Variants in IFT172 observed in about 807,000 individuals in gnomAD.
IFT172 encodes intraflagellar transport protein 172 homolog.
In IFT172, 164 loss-of-function variants were observed where a neutral mutation model predicts 248.9. That is an observed-to-expected ratio of 0.66 (90% confidence interval 0.58 to 0.75). The LOEUF (loss-of-function observed/expected upper bound fraction) is 0.75. Ranked by LOEUF, IFT172 falls within the 30% of genes least tolerant of loss-of-function variation. IFT172 has a pLI of 0.00. For missense variants in IFT172, 1,950 were observed against 2,192.4 expected (o/e 0.89, Z 2.21); for synonymous variants, 729 against 791.6 (o/e 0.92, Z 1.33).
chr2:27,484,314 G>T, intron 3 of IFT172, 48 bp from the exon 4 acceptor site: 1 of 1,603,072 alleles, frequency 6.2e-7, no homozygotes, highest in Non-Finnish European at 8.5e-7. Flanking sequence ...CTTCCAGGCC[G>T]GGCGTGGTGG....
Position 27,445,700 on chromosome 2 carries a change from C to T in IFT172, c.4914+45G>A, listed in dbSNP as rs375671477. 648 of 1,601,884 alleles carry T rather than the reference C, an allele frequency of 4.0e-4. 1 individual carries two copies. Among genetic ancestry groups the T allele is most frequent in the Non-Finnish European group, 4.9e-4 (572 of 1,169,404 alleles). On this transcript the variant is annotated intron_variant, in intron 45 of 47. Transcript: ENST00000260570. This position sits in a 1 kb window ranked among gnomAD's most constrained non-coding sequence, Gnocchi z 4.4. ...AAAGATATTCTCCCTCCTCAAGGCA[C>T]TCACACTGGTGAGGCCTTCCGGTTT...
At chr2:27,462,135 C>T (rs1558383042) in intron 20 of IFT172, among the ~76,000 whole-genome samples, 1 of 152,096 alleles carries the variant, frequency 6.6e-6, no homozygotes, top group African/African-American at 2.4e-5. Context: ...TTGGCTCAAG[C>T]GATTCTCCCA....
chr2:27,449,974 G>T, intron 36 of IFT172, 24 bp downstream of exon 36: 4 of 1,586,718 alleles, frequency 2.5e-6, no homozygotes, highest in Non-Finnish European at 3.5e-6. Context: ...ATCTATTTCT[G>T]TTCCATCTCA....
At chr2:27,483,182 A>ATTTTTT in intron 7 of IFT172, 107 bp downstream of exon 7, 1 of 712,502 alleles carries the variant, frequency 1.4e-6, no homozygotes, top group South Asian at 1.7e-5. Flanking sequence ...TTTTGTATTT[A>ATTTTTT]TTTTTTGTTT....
intron 20 of IFT172, 49 bp downstream of exon 20, chr2:27,462,652 C>G (rs774784867): frequency 6.5e-7 from 1 of 1,537,652 alleles, no homozygotes; most frequent in South Asian, 1.1e-5. Context: ...CCTTTTCTCT[C>G]TTTTTCCCTC....
intron 8 of IFT172, among the ~76,000 whole-genome samples, chr2:27,480,584 C>G (rs900857933): frequency 8.5e-5 from 13 of 152,132 alleles, no homozygotes; most frequent in African/African-American, 3.1e-4. Context: ...ATCTGCTGTT[C>G]CATCATTCAT....
In IFT172 at chr2:27,445,607, T is replaced by C. The variant is rs1395367347; in HGVS notation, c.4914+138A>G. The stretch of plus-strand genomic sequence containing the variant: ...TGGGGGATGCAGTCACAGCCTTTTC[T>C]TTCTATTTTGCTTCTACTTTCACTG... On this transcript the variant is annotated intron_variant, in intron 45 of 47. Coordinates refer to ENST00000260570, the MANE Select transcript of IFT172 (RefSeq NM_015662.3). The surrounding 1 kb of genome is among the most constrained non-coding windows in gnomAD (Gnocchi z 4.4). 3.0e-6 allele frequency: 4 copies of C among 1,313,452 alleles called. No individual in the cohort carries two copies. Among genetic ancestry groups the C allele is most frequent in the Non-Finnish European group, 4.2e-6 (4 of 952,754 alleles). The allele number at this position is 1,313,452 out of a possible 1,614,324, so 81.4% of individuals were successfully genotyped here. A position where few individuals can be genotyped will look rare whatever the true frequency, so the allele number is the denominator to read the frequency against.
At chr2:27,476,924 G>C in intron 13 of IFT172, 198 bp from the exon 14 acceptor site, 4 of 590,922 alleles carry the variant, frequency 6.8e-6, no homozygotes, top group Non-Finnish European at 1.2e-5. Flanking sequence ...CCAGGCTCCG[G>C]GTGATTCTCC....
intron 35 of IFT172, chr2:27,453,145 A>G (rs1407259665): frequency 3.0e-6 from 2 of 658,794 alleles, no homozygotes; most frequent in Non-Finnish European, 5.7e-6. Flanking sequence ...TATGATAGTA[A>G]TTGAGCCATT....
chr2:27,476,734 A>G lies in IFT172; in HGVS notation c.1326-8T>C, dbSNP rs1418387251. The stretch of plus-strand genomic sequence containing the variant: ...CTCTCATTAATACGAACACTGAAAC[A>G]TGAAGGGTGAGGTAAGGCAAAATGG... On this transcript the variant is annotated splice_polypyrimidine_tract_variant and splice_region_variant and intron_variant, in intron 13 of 47. Coordinates refer to ENST00000260570, the MANE Select transcript of IFT172 (RefSeq NM_015662.3). 1.2e-6 allele frequency: 2 copies of G among 1,606,270 alleles called. No individual in the cohort carries two copies. The highest frequency in any genetic ancestry group is 1.3e-5 in the African/African-American group (1 of 74,874).
At chr2:27,479,705 G>A in intron 9 of IFT172, 101 bp from the exon 10 acceptor site, 1 of 844,668 alleles carries the variant, frequency 1.2e-6, no homozygotes, top group Non-Finnish European at 2.0e-6. Context: ...AGAGTCTAGA[G>A]AAGAGTTGGC....
At chr2:27,452,946 G>C (rs867382745) in intron 35 of IFT172, among the ~76,000 whole-genome samples, 13 of 152,166 alleles carry the variant, frequency 8.5e-5, no homozygotes, top group African/African-American at 3.1e-4. Context: ...AATGTTGGGT[G>C]GGGGAGGTGG....
chr2:27,481,625 C>T (rs1321805516), intron 7 of IFT172, among the ~76,000 whole-genome samples: 1 of 151,712 alleles, frequency 6.6e-6, no homozygotes, highest in East Asian at 1.9e-4. Flanking sequence ...CTGCAACCTC[C>T]GCCTCCCCAG....
At position 27,454,337 on chromosome 2, in the gene IFT172, T is replaced by C; in HGVS notation, c.3530+17A>G. 6.2e-7 allele frequency: 1 copy of C among 1,614,042 alleles called. No homozygotes were observed. On this transcript the variant is annotated intron_variant, in intron 32 of 47. Coordinates refer to ENST00000260570, the MANE Select transcript of IFT172 (RefSeq NM_015662.3). The surrounding 1 kb of genome is among the most constrained non-coding windows in gnomAD (Gnocchi z 4.2). ...TGACTGGGGAAACAGTATTAAGGAA[T>C]GTATGGGGTAACTCACATGAGGACT...
chr2:27,487,910 G>A (rs749835424), intron 1 of IFT172, among the ~76,000 whole-genome samples: 1 of 152,106 alleles, frequency 6.6e-6, no homozygotes, highest in Non-Finnish European at 1.5e-5. Flanking sequence ...ATCCATGTAT[G>A]TGTAAATCCA....
rs796168948 is a variant in IFT172, at chr2:27,477,733, A to G, written c.1168-121T>C. 49 of 822,588 alleles carry G rather than the reference A, an allele frequency of 6.0e-5. No individual in the cohort carries two copies. The Middle Eastern group carries it at 1.3e-3, about 22-fold the overall frequency. 51.0% of individuals were successfully genotyped at this position (822,588 alleles called of 1,614,324 possible). The stretch of plus-strand genomic sequence containing the variant: ...TTTATGTAGGCTTTGGCACTACACA[A>G]AAGAGGTGCTGTATCAGAATCTGCT... On this transcript the variant is annotated intron_variant, in intron 11 of 47. Coordinates refer to ENST00000260570, the MANE Select transcript of IFT172 (RefSeq NM_015662.3).
Position 27,453,655 on chromosome 2 carries a change from G to A in IFT172, c.3796C>T (p.Arg1266Trp), listed in dbSNP as rs902724768. 17 of 1,611,772 alleles carry A rather than the reference G, an allele frequency of 1.1e-5. No individual in the cohort carries two copies. The highest frequency in any genetic ancestry group is 2.2e-5 in the East Asian group (1 of 44,874). ...QLEALQEEYE[R>W]EATKKGARGV... The stretch of plus-strand genomic sequence containing the variant: ...CTGGCCCCCTTCTTAGTAGCTTCCC[G>A]CTCATATTCTTCCTGCAGAGCCTCC... Residue 1266 changes from arginine to tryptophan, a missense_variant, in exon 34 of 48, where the codon CGG becomes TGG. Around this residue, in one of 3 missense-constraint regions of IFT172, gnomAD observed 620 missense variants for 699.0 expected, o/e 0.89. Transcript: ENST00000260570.
intron 7 of IFT172, among the ~76,000 whole-genome samples, chr2:27,483,053 A>G (rs1202628529): frequency 7.2e-6 from 1 of 138,880 alleles, no homozygotes; most frequent in African/African-American, 2.8e-5. Flanking sequence ...CCCAGGCTGT[A>G]GTGCAGTGGT....
At chr2:27,480,823 G>A (rs1668301256) in intron 8 of IFT172, among the ~76,000 whole-genome samples, 1 of 152,210 alleles carries the variant, frequency 6.6e-6, no homozygotes, top group Non-Finnish European at 1.5e-5. Context: ...GAATTCTGCT[G>A]TGGAAGTGCA....
Sources: gnomAD v4.1 joint callset for allele counts (sites outside exome capture counted in the v4.1 genomes callset) on GRCh38, gnomAD v4.1.1 for gene constraint, gnomAD v4.1.1 regional missense constraint, Gnocchi (gnomAD v3.1) non-coding constraint, MANE v1.5 for transcripts, NCBI Gene and HGNC (gene_info 2026-07-23, HGNC 2026-07-21) for gene names.